UGT2A2: variants seen among roughly 807,000 people sequenced by gnomAD.
UGT2A2 encodes UDP glucuronosyltransferase family 2 member A2.
In UGT2A2, 60 loss-of-function variants were observed where a neutral mutation model predicts 50.7. That is an observed-to-expected ratio of 1.18 (90% CI 0.96 to 1.47). The LOEUF is 1.47. Ranked by LOEUF, UGT2A2 falls within the 40% of genes most tolerant of loss-of-function variation. The probability of loss-of-function intolerance (pLI) is 0.00; values close to 1 mark genes in which losing one functional copy is unlikely to be tolerated. For missense variants in UGT2A2, 762 were observed against 634.0 expected (o/e 1.20, Z -2.17); for synonymous variants, 242 against 214.6 (o/e 1.13, Z -1.11).
intron 1 of UGT2A2, among the ~76,000 whole-genome samples, chr4:69,629,183 G>A (rs6854350): frequency 0.31 from 46,633 of 151,650 alleles, 7,458 homozygotes; most frequent in African/African-American, 0.36. Flanking sequence ...TACTACAAAT[G>A]ATGGGAATAT....
Position 69,594,480 on chromosome 4 carries a change from G to T in UGT2A2, c.1328C>A (p.Pro443His). The change falls in exon 5 of 6, where the codon CCT becomes CAT. Residue 443 changes from proline to histidine, a missense_variant. Coordinates refer to ENST00000604629, the MANE Select transcript of UGT2A2 (RefSeq NM_001105677.2). Reference protein sequence around the residue: ...LSALRTVINEPSYKENAMRLS... With the variant: ...LSALRTVINEHSYKENAMRLS... ...TTTTAGGAGCCTTAGTACTTACGAA[G>T]GTTCATTAATGACTGTTCTCAAAGC... 6.2e-7 allele frequency: 1 copy of T among 1,614,048 alleles called. No individual in the cohort carries two copies. The highest frequency in any genetic ancestry group is 8.5e-7 in the Non-Finnish European group (1 of 1,179,990).
intron 1 of UGT2A2, among the ~76,000 whole-genome samples, chr4:69,600,321 C>A (rs2109892714): frequency 6.6e-6 from 1 of 152,284 alleles, no homozygotes; most frequent in Admixed American, 6.5e-5. Flanking sequence ...CCAGCAGGGA[C>A]AGAGAAAAGT....
chr4:69,607,159 C>G (rs1261499739), intron 1 of UGT2A2, among the ~76,000 whole-genome samples: 2 of 143,690 alleles, frequency 1.4e-5, no homozygotes, highest in African/African-American at 2.6e-5. Flanking sequence ...CACTACCTGA[C>G]TTCAAACTAT....
At chr4:69,636,491 T>C (rs1297313295) in intron 1 of UGT2A2, among the ~76,000 whole-genome samples, 3 of 152,066 alleles carry the variant, frequency 2.0e-5, no homozygotes, top group Non-Finnish European at 2.9e-5. Flanking sequence ...GTAAATAGGA[T>C]ATTTAATTTC....
intron 2 of UGT2A2, among the ~76,000 whole-genome samples, chr4:69,598,823 CCTCTTA>C (rs1294240475): frequency 6.6e-6 from 1 of 152,018 alleles, no homozygotes; most frequent in African/African-American, 2.4e-5. Context: ...TCAATAATGA[CCTCTTA>C]CTCACCAAGT....
intron 1 of UGT2A2, among the ~76,000 whole-genome samples, chr4:69,610,597 G>A (rs1719977594): frequency 6.6e-6 from 1 of 152,126 alleles, no homozygotes; most frequent in South Asian, 2.1e-4. Flanking sequence ...AAGCCTGACT[G>A]TATTTGAAGA....
chr4:69,593,231 C>A (rs562987013), intron 5 of UGT2A2, among the ~76,000 whole-genome samples: 62 of 152,000 alleles, frequency 4.1e-4, no homozygotes, highest in African/African-American at 1.4e-3. Context: ...AGAAATAAAT[C>A]CTAAATATTT....
rs781305177 is a variant in UGT2A2 at position 69,594,478 on chromosome 4, A to G, written c.1330T>C (p.Ser444Pro). 28 of 1,614,100 alleles carry G rather than the reference A, an allele frequency of 1.7e-5. No individual in the cohort carries two copies. The highest frequency in any genetic ancestry group is 2.4e-5 in the Non-Finnish European group (28 of 1,180,000). The change falls in exon 5 of 6, where the codon TCT becomes CCT. Residue 444 changes from serine to proline, a missense_variant and splice_region_variant. Ser to Pro is a moderately conservative substitution (Grantham distance 74). Coordinates refer to ENST00000604629, the MANE Select transcript of UGT2A2 (RefSeq NM_001105677.2). ...SALRTVINEP[S>P]YKENAMRLSR... is the part of the protein sequence containing the mutation. ...GTTTTTAGGAGCCTTAGTACTTACG[A>G]AGGTTCATTAATGACTGTTCTCAAA...
At chr4:69,607,667 T>C (rs1719736031) in intron 1 of UGT2A2, among the ~76,000 whole-genome samples, 2 of 152,068 alleles carry the variant, frequency 1.3e-5, no homozygotes, top group Admixed American at 6.6e-5. Flanking sequence ...TGCAATCTAC[T>C]CATCTGACAA....
At chr4:69,602,058 T>A (rs1322520401) in intron 1 of UGT2A2, among the ~76,000 whole-genome samples, 2 of 137,218 alleles carry the variant, frequency 1.5e-5, no homozygotes, top group African/African-American at 5.9e-5. Flanking sequence ...CTGTTACAGT[T>A]AAAATGATTA....
At chr4:69,591,851 A>T (rs1038049076) in intron 5 of UGT2A2, among the ~76,000 whole-genome samples, 2 of 152,236 alleles carry the variant, frequency 1.3e-5, no homozygotes, top group Non-Finnish European at 2.9e-5. Flanking sequence ...CAACTTTGTA[A>T]TAGTCTAATT....
In UGT2A2 at chr4:69,639,205, C is replaced by G. The variant is rs1174980964; in HGVS notation, c.436G>C (p.Ala146Pro). 6.2e-7 allele frequency: 1 copy of G among 1,613,622 alleles called. No individual in the cohort carries two copies. Among genetic ancestry groups the G allele is most frequent in the East Asian group, 2.2e-5 (1 of 44,876 alleles). Reference sequence around the variant, plus strand: ...TCAAAACCACCTTTCTGAAGTCTTGCCATCAACTTTGGGTTCTTTAGTACA... The same window carrying G: ...TCAAAACCACCTTTCTGAAGTCTTGGCATCAACTTTGGGTTCTTTAGTACA... ...DGVLKNPKLMARLQKGGFDVL... is the reference protein window; with the variant it reads ...DGVLKNPKLMPRLQKGGFDVL... The change falls in exon 1 of 6, where the codon GCA becomes CCA. Residue 146 changes from alanine (A) to proline (P), a missense_variant. Ala to Pro is a conservative substitution (Grantham distance 27). Transcript: ENST00000604629.
intron 1 of UGT2A2, among the ~76,000 whole-genome samples, chr4:69,623,037 G>C (rs1214705090): frequency 6.6e-6 from 1 of 151,740 alleles, no homozygotes; most frequent in East Asian, 1.9e-4. Flanking sequence ...ATACATGTCT[G>C]AATTAATTGA....
At position 69,602,452 on chromosome 4, in the gene UGT2A2, G is replaced by T. The variant is rs1359591008; in HGVS notation, c.743-3058C>A. Among the ~76,000 whole-genome samples the T allele has an allele frequency of 2.7e-5, 3 of 109,692 alleles. No individual in the cohort carries two copies. In the Admixed American group the frequency reaches 2.8e-4, roughly 10 times the overall value. The allele number at this position is 109,692 out of a possible 152,430, so 72.0% of individuals were successfully genotyped here. A position where few individuals can be genotyped will look rare whatever the true frequency, so the allele number is the denominator to read the frequency against. ...GAAAAACAATTTTTAGAATAACAAA[G>T]ATTTAGGAGTTTATCTATCTATCTA... On this transcript the variant is annotated intron_variant, in intron 1 of 5. Transcript: ENST00000604629.
At chr4:69,634,641 A>G (rs1721576569) in intron 1 of UGT2A2, among the ~76,000 whole-genome samples, 1 of 152,192 alleles carries the variant, frequency 6.6e-6, no homozygotes, top group Admixed American at 6.5e-5. Flanking sequence ...ATATTTTACC[A>G]TATTGGCGGA....
chr4:69,613,932 G>T (rs1720216365), intron 1 of UGT2A2, among the ~76,000 whole-genome samples: 1 of 151,956 alleles, frequency 6.6e-6, no homozygotes. Context: ...TAGGATATGT[G>T]CTTTCACAAC....
Position 69,595,193 on chromosome 4 carries a change from G to C in UGT2A2, c.1080C>G (p.Leu360=), listed in dbSNP as rs1718848296. ...GATCATTCTGGGGTATCCAATCAAA[G>C]AGCTGAGTATTGTTTCCTAATGTGG... is the stretch of plus-strand genomic sequence containing the variant. ...KPATLGNNTQ[L]FDWIPQNDLL... Residue 360 remains leucine, a synonymous_variant, in exon 4 of 6, where the codon CTC becomes CTG. Transcript: ENST00000604629. The C allele has an allele frequency of 1.2e-6, 2 of 1,613,802 alleles. No individual in the cohort carries two copies. The highest frequency in any genetic ancestry group is 1.7e-6 in the Non-Finnish European group (2 of 1,179,862).
At chr4:69,616,273 T>C (rs1055571307) in intron 1 of UGT2A2, among the ~76,000 whole-genome samples, 1 of 151,920 alleles carries the variant, frequency 6.6e-6, no homozygotes, top group South Asian at 2.1e-4. Context: ...GCATGATTAA[T>C]AGCTACAAAA....
rs866877843 is a variant in UGT2A2 at position 69,603,575 on chromosome 4, T to C, written c.743-4181A>G. ...GAACAAAACTGGACGGAGAATGACT[T>C]TGACGAGCTGAGAGAAGAAGGCTTC... On this transcript the variant is annotated intron_variant, in intron 1 of 5. Transcript: ENST00000604629. 1.5e-5 allele frequency: 2 copies of C among 136,828 alleles called. 1 individual carries two copies. Among genetic ancestry groups the C allele is most frequent in the African/African-American group, 5.9e-5 (2 of 33,730 alleles). The allele number at this position is 136,828 out of a possible 1,614,324, so 8.5% of individuals were successfully genotyped here.
Sources: gnomAD v4.1 joint callset for allele counts (sites outside exome capture counted in the v4.1 genomes callset) on GRCh38, gnomAD v4.1.1 for gene constraint, MANE v1.5 for transcripts, NCBI Gene and HGNC (gene_info 2026-07-23, HGNC 2026-07-21) for gene names.